TBC1D22A: variants seen among roughly 807,000 people sequenced by gnomAD.
TBC1D22A encodes the protein TBC1 domain family member 22A, also known as putative GTPase activator.
TBC1D22A carries 38 observed loss-of-function variants against 60.2 expected under a neutral mutation model. That is an observed-to-expected ratio of 0.63 (90% CI 0.49 to 0.83). The LOEUF (loss-of-function observed/expected upper bound fraction) is 0.83. Ranked by LOEUF, TBC1D22A falls within the 40% of genes least tolerant of loss-of-function variation. TBC1D22A has a pLI of 0.00. For synonymous variants in TBC1D22A, 302 were observed against 281.7 expected, an observed-to-expected ratio of 1.07 and a Z score of -0.72; for missense variants, 628 against 701.0, an observed-to-expected ratio of 0.90 and a Z score of 1.18.
chr22:46,855,040 A>C (rs2087497824), intron 4 of TBC1D22A, among the ~76,000 whole-genome samples: 1 of 152,186 alleles, frequency 6.6e-6, no homozygotes, highest in Non-Finnish European at 1.5e-5. Context: ...CTTTGCCTGG[A>C]CTGTGTCTTT....
At chr22:47,104,084 A>C (rs1312110830) in intron 11 of TBC1D22A, among the ~76,000 whole-genome samples, 2 of 152,136 alleles carry the variant, frequency 1.3e-5, no homozygotes, top group Admixed American at 1.3e-4. Flanking sequence ...AGGCAGGCGG[A>C]TCATGAGGTC....
At chr22:47,049,443 C>A (rs375788882) in intron 11 of TBC1D22A, among the ~76,000 whole-genome samples, 2 of 152,216 alleles carry the variant, frequency 1.3e-5, no homozygotes, top group Non-Finnish European at 2.9e-5. Flanking sequence ...CACTTCTCAG[C>A]GGGCCTCCTT....
chr22:47,108,547 G>A (rs1392795086), intron 11 of TBC1D22A, among the ~76,000 whole-genome samples: 1 of 152,122 alleles, frequency 6.6e-6, no homozygotes, highest in Non-Finnish European at 1.5e-5. Flanking sequence ...GGACTGGGAG[G>A]GCTCAAAGGG....
intron 12 of TBC1D22A, among the ~76,000 whole-genome samples, chr22:47,139,049 G>A (rs1034418332): frequency 3.9e-5 from 6 of 152,338 alleles, no homozygotes; most frequent in African/African-American, 9.6e-5. Context: ...GCCAGCCCTC[G>A]CTCTGCAGCC....
Position 46,797,435 on chromosome 22 carries a change from C to T in TBC1D22A, c.461-9C>T, listed in dbSNP as rs773721920. 4 of 1,612,390 alleles carry T rather than the reference C, an allele frequency of 2.5e-6. No individual in the cohort carries two copies. Among genetic ancestry groups the T allele is most frequent in the Admixed American group, 1.7e-5 (1 of 59,996 alleles). ...CCTCACCCTCACCCCCATTCTCTCA[C>T]CCCTGCAGAAAGTGCCAGCGATGCC... On this transcript the variant is annotated splice_polypyrimidine_tract_variant and intron_variant, in intron 3 of 12. Transcript: ENST00000337137.
chr22:46,934,783 G>A (rs1158186964), intron 8 of TBC1D22A, among the ~76,000 whole-genome samples: 1 of 149,958 alleles, frequency 6.7e-6, no homozygotes, highest in Non-Finnish European at 1.5e-5. Context: ...TCGAGTGTTG[G>A]TGTTACGCTG....
At chr22:46,920,604 G>C (rs965332415) in intron 8 of TBC1D22A, among the ~76,000 whole-genome samples, 1 of 152,046 alleles carries the variant, frequency 6.6e-6, no homozygotes, top group Non-Finnish European at 1.5e-5. Context: ...GGACTGTGTC[G>C]CATGCGTGTG....
intron 4 of TBC1D22A, among the ~76,000 whole-genome samples, chr22:46,851,320 A>T (rs767843565): frequency 1.8e-4 from 28 of 152,328 alleles, no homozygotes; most frequent in South Asian, 8.3e-4. Flanking sequence ...CCTACCTGAC[A>T]TCACCTCCAG....
At chr22:46,922,124 C>G in intron 8 of TBC1D22A, among the ~76,000 whole-genome samples, 1 of 152,292 alleles carries the variant, frequency 6.6e-6, no homozygotes, top group South Asian at 2.1e-4. Context: ...TATCCCAGCA[C>G]CATTTATTGA....
chr22:46,867,656 T>C (rs1026989171), intron 4 of TBC1D22A, among the ~76,000 whole-genome samples: 4 of 152,156 alleles, frequency 2.6e-5, no homozygotes, highest in Non-Finnish European at 5.9e-5. Context: ...ACTGTGATGA[T>C]AGTGATGATG....
At chr22:47,040,843 G>T (rs565985684) in intron 11 of TBC1D22A, among the ~76,000 whole-genome samples, 1 of 152,304 alleles carries the variant, frequency 6.6e-6, no homozygotes, top group Non-Finnish European at 1.5e-5. Flanking sequence ...AGGGCTCTGA[G>T]TATGGTGAGT....
intron 12 of TBC1D22A, among the ~76,000 whole-genome samples, chr22:47,158,009 G>A (rs571150254): frequency 3.3e-5 from 5 of 152,146 alleles, no homozygotes; most frequent in Admixed American, 6.5e-5. Flanking sequence ...CCCTCCAGCC[G>A]GCAGGCGTGC....
At chr22:46,960,302 C>T (rs2073426436) in intron 8 of TBC1D22A, among the ~76,000 whole-genome samples, 1 of 151,796 alleles carries the variant, frequency 6.6e-6, no homozygotes, top group African/African-American at 2.4e-5. Context: ...TGCTCTGTTG[C>T]CCAGGCTGGA....
Position 47,086,587 on chromosome 22 carries a change from A to G in TBC1D22A, c.1330-24921A>G, listed in dbSNP as rs113781545. Among the ~76,000 whole-genome samples, 6 of 152,350 alleles carry G rather than the reference A, an allele frequency of 3.9e-5. 1 individual carries two copies. The highest frequency in any genetic ancestry group is 2.1e-4 in the South Asian group (1 of 4,826). On this transcript the variant is annotated intron_variant, in intron 11 of 12. Transcript: ENST00000337137. ...ACAATTATTTCGGGATAAAAGTTTA[A>G]TAAAGTGTTCTCCTCCCCCTATATA...
chr22:47,012,862 GA>G, intron 10 of TBC1D22A, among the ~76,000 whole-genome samples: 1 of 152,188 alleles, frequency 6.6e-6, no homozygotes, highest in Admixed American at 6.5e-5. Context: ...GTTGTTCCGA[GA>G]GCTCATCCTT....
chr22:47,149,671 T>A (rs1214113543), intron 12 of TBC1D22A, among the ~76,000 whole-genome samples: 5 of 152,132 alleles, frequency 3.3e-5, no homozygotes. Context: ...TGCAGGGAGG[T>A]ACCCGCAGTG....
intron 11 of TBC1D22A, among the ~76,000 whole-genome samples, chr22:47,095,473 T>A (rs1025459005): frequency 2.6e-5 from 4 of 152,266 alleles, no homozygotes; most frequent in African/African-American, 9.6e-5. Flanking sequence ...TCCTACATTT[T>A]AAAAAGTTTA....
At chr22:46,907,892 C>T (rs548190993) in intron 7 of TBC1D22A, among the ~76,000 whole-genome samples, 4 of 152,104 alleles carry the variant, frequency 2.6e-5, no homozygotes, top group Non-Finnish European at 2.9e-5. Context: ...TCGTGGGAGC[C>T]GTGGGAAGTT....
At chr22:46,832,407 T>C (rs1368509787) in intron 4 of TBC1D22A, among the ~76,000 whole-genome samples, 1 of 152,210 alleles carries the variant, frequency 6.6e-6, no homozygotes, top group Non-Finnish European at 1.5e-5. Flanking sequence ...TCCCAGCACT[T>C]TGAGAGGCTG....
Sources: allele counts gnomAD v4.1 joint callset (sites outside exome capture counted in the v4.1 genomes callset), GRCh38; gene constraint gnomAD v4.1.1; transcripts MANE v1.5; gene names NCBI Gene and HGNC (gene_info 2026-07-23, HGNC 2026-07-21).